Variants in SIL1 observed in about 807,000 individuals in gnomAD.
The protein encoded by SIL1 is SIL1 nucleotide exchange factor, also known as nucleotide exchange factor SIL1.
SIL1 carries 40 observed loss-of-function variants against 49.1 expected under a neutral mutation model. That is an observed-to-expected ratio of 0.81 (90% CI 0.63 to 1.06). SIL1 has a LOEUF of 1.06. SIL1 is among the 50% of genes least tolerant of loss of function. The pLI is 0.00. For missense variants in SIL1, 500 were observed against 572.6 expected (o/e 0.87, Z 1.29); for synonymous variants, 253 against 250.8 (o/e 1.01, Z -0.08).
At chr5:139,156,234 G>A (rs1475200475) in intron 1 of SIL1, among the ~76,000 whole-genome samples, 6 of 152,104 alleles carry the variant, frequency 3.9e-5, no homozygotes, top group Admixed American at 3.9e-4. Context: ...AAATCTCATG[G>A]CAATTTAGTA....
chr5:138,971,616 G>A (rs904277320), intron 7 of SIL1, among the ~76,000 whole-genome samples: 1 of 152,186 alleles, frequency 6.6e-6, no homozygotes, highest in African/African-American at 2.4e-5. Context: ...CGGGGGTCAA[G>A]AGCGGGGATG....
At chr5:139,144,538 T>C (rs1751154851) in intron 1 of SIL1, among the ~76,000 whole-genome samples, 1 of 152,092 alleles carries the variant, frequency 6.6e-6, no homozygotes, top group Non-Finnish European at 1.5e-5. Flanking sequence ...TACAAAAGTG[T>C]TATTGAGTAA....
chr5:139,071,695 T>G (rs564001307), intron 3 of SIL1, among the ~76,000 whole-genome samples: 8 of 144,914 alleles, frequency 5.5e-5, no homozygotes, highest in Non-Finnish European at 1.0e-4. Flanking sequence ...TGAGACGGAG[T>G]CTCACTCTGT....
chr5:138,946,982 AAG>A lies in SIL1; in HGVS notation c.*133_*134del, dbSNP rs1766642560. ...CCAGTCTACACAGACACACAGCAGA[AAG>A]AGGATGGCCTTCAGGTTTCCATTTA... On this transcript the variant is annotated 3_prime_UTR_variant, in exon 10 of 10. Coordinates refer to ENST00000394817, the MANE Select transcript of SIL1 (RefSeq NM_022464.5). 4 of 739,118 alleles carry A rather than the reference AAG, an allele frequency of 5.4e-6. No homozygotes were observed. Among genetic ancestry groups the A allele is most frequent in the Non-Finnish European group, 7.2e-6 (3 of 414,052 alleles). The allele number at this position is 739,118 out of a possible 1,614,324, so 45.8% of individuals were successfully genotyped here. A position where few individuals can be genotyped will look rare whatever the true frequency, so the allele number is the denominator to read the frequency against.
At chr5:139,095,630 C>T (rs1770444223) in intron 3 of SIL1, among the ~76,000 whole-genome samples, 1 of 152,046 alleles carries the variant, frequency 6.6e-6, no homozygotes, top group Non-Finnish European at 1.5e-5. Flanking sequence ...GCCTGTAATC[C>T]AAGCACTTTG....
At chr5:139,033,428 C>A (rs1768835727) in intron 5 of SIL1, among the ~76,000 whole-genome samples, 1 of 151,648 alleles carries the variant, frequency 6.6e-6, no homozygotes, top group Admixed American at 6.6e-5. Flanking sequence ...TTGTTTCGAT[C>A]ATCTTTTCCT....
In SIL1 at chr5:139,059,100, G is replaced by GTA. The variant is rs1055252337; in HGVS notation, c.245-8056_245-8055dup. Among the ~76,000 whole-genome samples the GTA allele has an allele frequency of 1.5e-4, 23 of 151,970 alleles. 1 individual carries two copies. The highest frequency in any genetic ancestry group is 3.4e-3 in the Middle Eastern group (1 of 294). On this transcript the variant is annotated intron_variant, in intron 3 of 9. Coordinates refer to ENST00000394817, the MANE Select transcript of SIL1 (RefSeq NM_022464.5). ...CACACACATAGACATACATACATTT[G>GTA]TATATATATATGTGGTGATAAGGTT...
chr5:139,043,365 A>G (rs1769087311), intron 4 of SIL1, among the ~76,000 whole-genome samples: 1 of 152,208 alleles, frequency 6.6e-6, no homozygotes, highest in African/African-American at 2.4e-5. Context: ...AAGGAGTAGC[A>G]TGCACCCTTA....
chr5:139,004,413 T>C (rs986031722), intron 7 of SIL1, among the ~76,000 whole-genome samples: 4 of 152,236 alleles, frequency 2.6e-5, no homozygotes, highest in African/African-American at 9.6e-5. Context: ...TCATGTATTT[T>C]ATCAATTTAA....
At chr5:138,993,554 G>C (rs118177913) in intron 7 of SIL1, among the ~76,000 whole-genome samples, 1 of 152,134 alleles carries the variant, frequency 6.6e-6, no homozygotes, top group African/African-American at 2.4e-5. Context: ...AGATATATAC[G>C]ACTATGTGTA....
At chr5:138,997,778 T>C (rs1767902729) in intron 7 of SIL1, among the ~76,000 whole-genome samples, 1 of 152,180 alleles carries the variant, frequency 6.6e-6, no homozygotes, top group African/African-American at 2.4e-5. Context: ...AGACTGGTCT[T>C]GAACTCCTGA....
intron 4 of SIL1, among the ~76,000 whole-genome samples, chr5:139,043,668 C>G (rs1009250918): frequency 3.9e-5 from 6 of 152,302 alleles, no homozygotes; most frequent in African/African-American, 1.4e-4. Flanking sequence ...CTGCCAAAGA[C>G]CAGAATGGTC....
intron 3 of SIL1, among the ~76,000 whole-genome samples, chr5:139,057,266 A>G (rs1769469707): frequency 7.2e-6 from 1 of 138,604 alleles, no homozygotes; most frequent in Non-Finnish European, 1.5e-5. Context: ...CTATTGTCCT[A>G]TGACCCAGCC....
rs150706058 is a variant in SIL1, at chr5:139,081,657, T to C, written c.245-30611A>G. On this transcript the variant is annotated intron_variant, in intron 3 of 9. Coordinates refer to ENST00000394817, the MANE Select transcript of SIL1 (RefSeq NM_022464.5). ...ACTCTGGGAGGCCAAGGCAGGCAGA[T>C]CACCTGAGGTCAGGAGTTTGAGACC... 5.5e-3 allele frequency among the ~76,000 whole-genome samples: 842 copies of C among 152,176 alleles called. 3 individuals carry two copies. The highest frequency in any genetic ancestry group is 0.019 in the African/African-American group (808 of 41,526).
chr5:139,186,545 G>A (rs1008168112), intron 1 of SIL1, among the ~76,000 whole-genome samples: 5 of 152,110 alleles, frequency 3.3e-5, no homozygotes, highest in African/African-American at 1.2e-4. Flanking sequence ...CACCCATGAC[G>A]ATAGGCTGAG....
intron 3 of SIL1, among the ~76,000 whole-genome samples, chr5:139,066,500 C>T (rs1425603028): frequency 6.6e-6 from 1 of 151,528 alleles, no homozygotes; most frequent in Non-Finnish European, 1.5e-5. Context: ...GCAACAACTC[C>T]ATGCAGTTTT....
intron 7 of SIL1, among the ~76,000 whole-genome samples, chr5:139,012,169 C>T (rs1225038100): frequency 6.6e-6 from 1 of 152,172 alleles, no homozygotes; most frequent in Non-Finnish European, 1.5e-5. Flanking sequence ...CCTCCCACCT[C>T]AGCCTTCTGA....
intron 1 of SIL1, among the ~76,000 whole-genome samples, chr5:139,169,051 T>C (rs895108769): frequency 7.2e-5 from 11 of 152,022 alleles, no homozygotes; most frequent in Non-Finnish European, 1.3e-4. Flanking sequence ...AAGGCTGGGA[T>C]GGGAGGATTG....
At chr5:139,108,081 C>G (rs1351257346) in intron 3 of SIL1, 1 of 152,202 alleles carries the variant, frequency 6.6e-6, no homozygotes, top group Non-Finnish European at 1.5e-5. Context: ...CATTCCCTCT[C>G]CGAAGAATGT....
Sources: gnomAD v4.1 joint callset for allele counts (sites outside exome capture counted in the v4.1 genomes callset) on GRCh38, gnomAD v4.1.1 for gene constraint, MANE v1.5 for transcripts, NCBI Gene and HGNC (gene_info 2026-07-23, HGNC 2026-07-21) for gene names.